The following ERBB4 variants were observed in gnomAD, a reference collection of about 807,000 sequenced individuals.
ERBB4 encodes the protein erb-b2 receptor tyrosine kinase 4, also known as receptor tyrosine-protein kinase erbB-4.
In ERBB4, 42 loss-of-function variants were observed where a neutral mutation model predicts 158.0. The observed-to-expected ratio is 0.27, with a 90% CI of 0.21 to 0.34. The LOEUF is 0.34. Among genes scored for constraint, ERBB4 ranks in the 10% least tolerant of loss-of-function variants. The probability of loss-of-function intolerance (pLI) is 1.00; values close to 1 mark genes in which losing one functional copy is unlikely to be tolerated. For synonymous variants in ERBB4, 583 were observed against 558.7 expected, an observed-to-expected ratio of 1.04 and a Z score of -0.61; for missense variants, 1,333 against 1,624.1, an observed-to-expected ratio of 0.82 and a Z score of 3.08.
intron 2 of ERBB4, among the ~76,000 whole-genome samples, chr2:212,047,985 G>A (rs1002277231): frequency 2.0e-5 from 3 of 152,108 alleles, no homozygotes; most frequent in African/African-American, 7.2e-5. Flanking sequence ...TATGGAGAGG[G>A]TTACATTTTA....
Position 212,095,661 on chromosome 2 carries a change from G to C in ERBB4, c.234+29091C>G, listed in dbSNP as rs971053417. Among the ~76,000 whole-genome samples, 4 of 152,254 alleles carry C rather than the reference G, an allele frequency of 2.6e-5. No homozygotes were observed. In the South Asian group the frequency reaches 8.3e-4, roughly 32 times the overall value. On this transcript the variant is annotated intron_variant, in intron 2 of 27. Transcript: ENST00000342788. ...TAGACAGTAAATTTTGGCCGGGCGC[G>C]GTGGCTCACGCCTATAATCCCAGCA...
chr2:211,744,790 G>A (rs1482834567), intron 5 of ERBB4, among the ~76,000 whole-genome samples: 1 of 152,210 alleles, frequency 6.6e-6, no homozygotes, highest in East Asian at 1.9e-4. Context: ...TTCCTTAGCT[G>A]AGGTGTGGGG....
At chr2:212,221,952 T>C (rs2083303349) in intron 1 of ERBB4, among the ~76,000 whole-genome samples, 1 of 151,572 alleles carries the variant, frequency 6.6e-6, no homozygotes, top group African/African-American at 2.4e-5. Flanking sequence ...CTTAATTCTC[T>C]TTTTCAAAGT....
chr2:211,912,580 A>G (rs1037192606), intron 3 of ERBB4, among the ~76,000 whole-genome samples: 2 of 152,342 alleles, frequency 1.3e-5, no homozygotes, highest in Admixed American at 6.5e-5. Flanking sequence ...ACCTCTGACT[A>G]TAACTCTCAG....
At chr2:212,052,783 C>G (rs572914964) in intron 2 of ERBB4, among the ~76,000 whole-genome samples, 1 of 152,278 alleles carries the variant, frequency 6.6e-6, no homozygotes, top group East Asian at 1.9e-4. Context: ...TACTCCCGTA[C>G]CCCTCCCTAA....
chr2:212,161,062 T>C (rs1317320260), intron 1 of ERBB4, among the ~76,000 whole-genome samples: 1 of 152,126 alleles, frequency 6.6e-6, no homozygotes, highest in Middle Eastern at 3.4e-3. Context: ...TTCATAAATA[T>C]GTCATCTCCA....
chr2:212,378,484 C>G (rs1258856100), intron 1 of ERBB4, among the ~76,000 whole-genome samples: 1 of 151,784 alleles, frequency 6.6e-6, no homozygotes, highest in African/African-American at 2.4e-5. Context: ...ATATAGTCTT[C>G]CATTGGCCTT....
At chr2:211,677,947 T>C (rs539034147) in intron 13 of ERBB4, among the ~76,000 whole-genome samples, 18 of 151,784 alleles carry the variant, frequency 1.2e-4, no homozygotes, top group African/African-American at 4.1e-4. Flanking sequence ...ATAAGAAAAT[T>C]TGACTTAGGA....
intron 1 of ERBB4, among the ~76,000 whole-genome samples, chr2:212,224,301 T>A (rs960392758): frequency 1.3e-5 from 2 of 151,998 alleles, no homozygotes; most frequent in Non-Finnish European, 2.9e-5. Context: ...GTCAGCGTAC[T>A]GTGACTTTAT....
At chr2:212,302,832 T>C (rs531486715) in intron 1 of ERBB4, among the ~76,000 whole-genome samples, 3 of 151,700 alleles carry the variant, frequency 2.0e-5, no homozygotes, top group East Asian at 3.9e-4. Context: ...TCCATTTAAA[T>C]GAATTATCTT....
intron 20 of ERBB4, among the ~76,000 whole-genome samples, chr2:211,501,247 T>C (rs1433293505): frequency 2.0e-5 from 3 of 151,862 alleles, no homozygotes; most frequent in African/African-American, 7.2e-5. Context: ...GGTACAAAAA[T>C]ATATTTAGAT....
intron 3 of ERBB4, among the ~76,000 whole-genome samples, chr2:211,932,403 T>C (rs2080202219): frequency 3.3e-5 from 5 of 152,056 alleles, no homozygotes; most frequent in Admixed American, 3.3e-4. Flanking sequence ...TAAATGACAA[T>C]AATCAGAGTA....
chr2:212,123,140 G>A (rs747114831), intron 2 of ERBB4, among the ~76,000 whole-genome samples: 3 of 152,276 alleles, frequency 2.0e-5, no homozygotes, highest in Admixed American at 6.5e-5. Context: ...GGTGGCTCAC[G>A]CCTGTAATCC....
At chr2:211,841,530 T>C (rs2077470614) in intron 3 of ERBB4, among the ~76,000 whole-genome samples, 1 of 152,118 alleles carries the variant, frequency 6.6e-6, no homozygotes, top group South Asian at 2.1e-4. Flanking sequence ...AATGTGGCAT[T>C]AAGGTAAGGT....
chr2:211,783,905 C>T (rs2076095892), intron 4 of ERBB4, among the ~76,000 whole-genome samples: 1 of 152,070 alleles, frequency 6.6e-6, no homozygotes, highest in Admixed American at 6.6e-5. Flanking sequence ...GGGAGGATTC[C>T]CTCTTTTTCT....
intron 1 of ERBB4, among the ~76,000 whole-genome samples, chr2:212,231,487 A>T (rs573363695): frequency 5.3e-5 from 8 of 152,328 alleles, no homozygotes; most frequent in Non-Finnish European, 1.2e-4. Flanking sequence ...AAGCAGCATT[A>T]AAAAATTGGC....
At chr2:212,191,633 G>A (rs1030498061) in intron 1 of ERBB4, among the ~76,000 whole-genome samples, 4 of 78,848 alleles carry the variant, frequency 5.1e-5, no homozygotes, top group African/African-American at 1.8e-4. Flanking sequence ...CATGTGTTAT[G>A]CATGCTATAT....
At chr2:211,652,320 A>G (rs2071021189) in intron 16 of ERBB4, among the ~76,000 whole-genome samples, 1 of 152,208 alleles carries the variant, frequency 6.6e-6, no homozygotes, top group South Asian at 2.1e-4. Context: ...TAAATTTAAT[A>G]TAAAGAACTT....
chr2:211,741,336 G>A (rs796511980), intron 5 of ERBB4, among the ~76,000 whole-genome samples: 1 of 151,962 alleles, frequency 6.6e-6, no homozygotes, highest in African/African-American at 2.4e-5. Flanking sequence ...CTTCAAATGT[G>A]GAGTATTCAT....
Sources: gnomAD v4.1 joint callset for allele counts (sites outside exome capture counted in the v4.1 genomes callset) on GRCh38, gnomAD v4.1.1 for gene constraint, MANE v1.5 for transcripts, NCBI Gene and HGNC (gene_info 2026-07-23, HGNC 2026-07-21) for gene names.